Variants in RNF43 observed in about 807,000 individuals in gnomAD.
The protein encoded by RNF43 is ring finger protein 43, also known as E3 ubiquitin-protein ligase RNF43.
Under a neutral mutation model 78.4 loss-of-function variants are expected in RNF43, and 37 were observed. The ratio of observed to expected loss-of-function variants is 0.47; its 90% CI spans 0.36 to 0.62. RNF43 has a LOEUF of 0.62. Among genes scored for constraint, RNF43 ranks in the 20% least tolerant of loss-of-function variants. RNF43 has a pLI of 0.00. For missense variants in RNF43, 774 were observed against 1,007.9 expected (o/e 0.77, Z 3.14); for synonymous variants, 347 against 395.0 (o/e 0.88, Z 1.44).
Position 58,363,256 on chromosome 17 carries a change from G to A in RNF43, c.582+19C>T, listed in dbSNP as rs1368170392. 6.2e-7 allele frequency: 1 copy of A among 1,611,970 alleles called. No individual in the cohort carries two copies. The highest frequency in any genetic ancestry group is 1.7e-4 in the Middle Eastern group (1 of 6,058). On this transcript the variant is annotated intron_variant, in intron 5 of 9. Transcript: ENST00000407977. ...TAGGGCTAAGTGCAGGGCAAGGTCT[G>A]GAGGTCTAGTGTGCTTACCCAGGCC... is the stretch of plus-strand genomic sequence containing the variant.
intron 3 of RNF43, among the ~76,000 whole-genome samples, chr17:58,369,451 C>G (rs898978542): frequency 2.6e-5 from 4 of 152,208 alleles, no homozygotes; most frequent in African/African-American, 4.8e-5. Context: ...TTTCCTTGTG[C>G]CCAGGAGAAC....
At chr17:58,414,969 A>T (rs1243703901) in intron 2 of RNF43, among the ~76,000 whole-genome samples, 2 of 152,232 alleles carry the variant, frequency 1.3e-5, no homozygotes, top group Admixed American at 6.5e-5. Flanking sequence ...TTTAAACAGG[A>T]TGTAAAATAC....
intron 2 of RNF43, among the ~76,000 whole-genome samples, chr17:58,395,441 C>A (rs936045172): frequency 6.6e-6 from 1 of 152,174 alleles, no homozygotes; most frequent in African/African-American, 2.4e-5. Context: ...CCCCTTACCC[C>A]TTTATGAGGG....
chr17:58,386,029 G>A (rs1465382081), intron 2 of RNF43, among the ~76,000 whole-genome samples: 1 of 152,186 alleles, frequency 6.6e-6, no homozygotes, highest in East Asian at 1.9e-4. Flanking sequence ...AGGATTGCTT[G>A]AGCCCAGGAG....
At chr17:58,395,179 A>G (rs1013883616) in intron 2 of RNF43, among the ~76,000 whole-genome samples, 3 of 152,244 alleles carry the variant, frequency 2.0e-5, no homozygotes, top group Non-Finnish European at 4.4e-5. Flanking sequence ...ACTAGCAAAT[A>G]TTAAACAGGA....
intron 2 of RNF43, among the ~76,000 whole-genome samples, chr17:58,392,298 T>C (rs1973576444): frequency 6.6e-6 from 1 of 152,228 alleles, no homozygotes; most frequent in Non-Finnish European, 1.5e-5. Flanking sequence ...TTAGGAACTA[T>C]CAAAATGTTT....
chr17:58,369,446 T>C (rs1973033221), intron 3 of RNF43, among the ~76,000 whole-genome samples: 1 of 152,232 alleles, frequency 6.6e-6, no homozygotes, highest in African/African-American at 2.4e-5. Context: ...GGCTGTTTCC[T>C]TGTGCCCAGG....
chr17:58,396,634 C>T (rs1465578847), intron 2 of RNF43, among the ~76,000 whole-genome samples: 2 of 152,084 alleles, frequency 1.3e-5, no homozygotes, highest in Non-Finnish European at 2.9e-5. Flanking sequence ...GCTTCAGGGT[C>T]TCCAAAGGGA....
intron 2 of RNF43, among the ~76,000 whole-genome samples, chr17:58,377,501 A>C (rs1464885344): frequency 1.3e-5 from 2 of 152,044 alleles, no homozygotes; most frequent in Admixed American, 6.6e-5. Context: ...CCTTCCCATG[A>C]AGGAAGCCAT....
intron 2 of RNF43, among the ~76,000 whole-genome samples, chr17:58,405,294 G>A (rs918799121): frequency 1.3e-5 from 2 of 151,712 alleles, no homozygotes; most frequent in Admixed American, 6.6e-5. Flanking sequence ...AGCCAGGATG[G>A]TCTCGATCTC....
Position 58,357,741 on chromosome 17 carries a change from G to A in RNF43, c.2035C>T (p.Gln679Ter), listed in dbSNP as rs1972721101. The change falls in exon 9 of 10, where the codon CAG (glutamine) becomes TAG (stop). Residue 679 changes from glutamine to a stop codon, truncating the protein, a stop_gained. Transcript: ENST00000407977. LOFTEE classifies it high-confidence loss of function. This position sits in a 1 kb window ranked among gnomAD's most constrained non-coding sequence, Gnocchi z 4.5. ...PQDATVHPAC[Q>*]IFPHYTPSVA... is the part of the protein sequence containing the mutation. ...CTGGGGGTGTAATGGGGAAAAATCT[G>A]GCAAGCTGGGTGCACAGTTGCATCC... 5 of 1,612,334 alleles carry A rather than the reference G, an allele frequency of 3.1e-6. No homozygotes were observed. The highest frequency in any genetic ancestry group is 4.2e-6 in the Non-Finnish European group (5 of 1,179,162).
At position 58,354,751 on chromosome 17, in the gene RNF43, C is replaced by T. The variant is rs1208577197; in HGVS notation, c.*192G>A. On this transcript the variant is annotated 3_prime_UTR_variant, in exon 10 of 10. Transcript: ENST00000407977. The stretch of plus-strand genomic sequence containing the variant: ...TGCAGATGTTTTCTGCAGACAAGGT[C>T]TGGAGCTGGAGCAGGAAACGGCACC... 1.6e-6 allele frequency: 1 copy of T among 619,726 alleles called. No individual in the cohort carries two copies. 38.4% of individuals were successfully genotyped at this position (619,726 alleles called of 1,614,324 possible). A position where few individuals can be genotyped will look rare whatever the true frequency, so the allele number is the denominator to read the frequency against.
rs2143698554 is a variant in RNF43 at position 58,415,622 on chromosome 17, A to T, written c.-45T>A. ...CACTTCAACCATACATACTGCTTCC[A>T]CTAGCTAATACCAAATGCAGGTTCT... On this transcript the variant is annotated 5_prime_UTR_variant, in exon 2 of 10. Coordinates refer to ENST00000407977, the MANE Select transcript of RNF43 (RefSeq NM_017763.6). 1 of 1,586,652 alleles carries T rather than the reference A, an allele frequency of 6.3e-7. No individual in the cohort carries two copies. Among genetic ancestry groups the T allele is most frequent in the African/African-American group, 1.3e-5 (1 of 74,652 alleles).
At chr17:58,386,299 G>A (rs939601220) in intron 2 of RNF43, among the ~76,000 whole-genome samples, 2 of 151,334 alleles carry the variant, frequency 1.3e-5, no homozygotes, top group African/African-American at 2.4e-5. Context: ...GGTGGTACGC[G>A]CTGGTAGTCC....
chr17:58,393,304 C>A (rs889932098), intron 2 of RNF43, among the ~76,000 whole-genome samples: 8 of 151,852 alleles, frequency 5.3e-5, no homozygotes, highest in Non-Finnish European at 1.0e-4. Flanking sequence ...CTACTTGGAA[C>A]GCTGAGGCAG....
rs79125070 is a variant in RNF43, at chr17:58,363,245, G to A, written c.582+30C>T. 3.0e-3 allele frequency: 4,786 copies of A among 1,610,112 alleles called. 229 individuals are homozygous for A. In the East Asian group the frequency reaches 0.094, roughly 32 times the overall value. ...ACAGGACAAAGTAGGGCTAAGTGCA[G>A]GGCAAGGTCTGGAGGTCTAGTGTGC... On this transcript the variant is annotated intron_variant, in intron 5 of 9. Transcript: ENST00000407977.
intron 2 of RNF43, among the ~76,000 whole-genome samples, chr17:58,387,997 T>G (rs1252870822): frequency 6.9e-6 from 1 of 144,434 alleles, no homozygotes; most frequent in East Asian, 2.3e-4. Flanking sequence ...ACCCCCTCCA[T>G]AAAACCACCT....
intron 2 of RNF43, among the ~76,000 whole-genome samples, chr17:58,408,493 C>T (rs537137902): frequency 1.6e-4 from 24 of 152,170 alleles, no homozygotes; most frequent in Admixed American, 5.2e-4. Context: ...AAAATCAGGA[C>T]CTGAATAAAT....
Position 58,363,390 on chromosome 17 carries a change from C to G in RNF43, c.467G>C (p.Gly156Ala), listed in dbSNP as rs762838524. The G allele has an allele frequency of 1.9e-6, 3 of 1,614,194 alleles. No homozygotes were observed. In the Admixed American group the frequency reaches 5.0e-5, roughly 27 times the overall value. The change falls in exon 5 of 10, where the codon GGG becomes GCG. Residue 156 changes from glycine (G) to alanine (A), a missense_variant. Transcript: ENST00000407977. ...AAAEQLQQPL[G>A]LTWPVVLIWG... ...GATCAACACCACTGGCCAGGTCAGC[C>G]CCAGCGGCTGCTGCAGCTACAGGGG...
Sources: allele counts gnomAD v4.1 joint callset (sites outside exome capture counted in the v4.1 genomes callset), GRCh38; gene constraint gnomAD v4.1.1; non-coding constraint Gnocchi (gnomAD v3.1); transcripts MANE v1.5; gene names NCBI Gene and HGNC (gene_info 2026-07-23, HGNC 2026-07-21).